Variants in PRICKLE2 observed in about 807,000 individuals in gnomAD.
The protein encoded by PRICKLE2 is prickle planar cell polarity protein 2.
PRICKLE2 carries 21 observed loss-of-function variants against 81.4 expected under a neutral mutation model. The observed-to-expected ratio is 0.26, with a 90% CI of 0.18 to 0.37. The LOEUF (loss-of-function observed/expected upper bound fraction) is 0.37. Among genes scored for constraint, PRICKLE2 ranks in the 10% least tolerant of loss-of-function variants. The pLI, the probability that PRICKLE2 is intolerant of heterozygous loss-of-function variation, is 1.00. For missense variants in PRICKLE2, 940 were observed against 1,109.0 expected (o/e 0.85, Z 2.16); for synonymous variants, 456 against 421.5 (o/e 1.08, Z -1.00).
At chr3:64,169,026 G>A (rs1047695892) in intron 2 of PRICKLE2, among the ~76,000 whole-genome samples, 3 of 151,832 alleles carry the variant, frequency 2.0e-5, no homozygotes, top group Admixed American at 6.6e-5. Flanking sequence ...ATTTGACTGA[G>A]AGCATCAATA....
chr3:64,132,676 T>G (rs565936635), intron 7 of PRICKLE2, among the ~76,000 whole-genome samples: 1 of 152,356 alleles, frequency 6.6e-6, no homozygotes, highest in South Asian at 2.1e-4. Context: ...CCATTCTTTT[T>G]GTTTCCACAA....
At chr3:64,158,359 A>C (rs184091028) in intron 4 of PRICKLE2, among the ~76,000 whole-genome samples, 1 of 152,238 alleles carries the variant, frequency 6.6e-6, no homozygotes, top group Admixed American at 6.5e-5. Context: ...TGACTGGACA[A>C]AAGAAAGGCA....
intron 2 of PRICKLE2, among the ~76,000 whole-genome samples, chr3:64,262,667 T>C (rs752958338): frequency 1.2e-4 from 18 of 149,520 alleles, no homozygotes; most frequent in African/African-American, 1.5e-4. Context: ...GCAAAGGAAA[T>C]TGGGAGGTAG....
intron 5 of PRICKLE2, chr3:64,154,863 A>C (rs1331090170): frequency 6.6e-6 from 1 of 152,128 alleles, no homozygotes; most frequent in Non-Finnish European, 1.5e-5. Context: ...TAATGAGAAA[A>C]ATAGGCCAAG....
At chr3:64,257,395 T>G (rs1381006636) in intron 2 of PRICKLE2, among the ~76,000 whole-genome samples, 1 of 152,132 alleles carries the variant, frequency 6.6e-6, no homozygotes, top group Non-Finnish European at 1.5e-5. Flanking sequence ...AAGGGGAGTG[T>G]AGGACCAGTT....
chr3:64,225,402 G>T lies in PRICKLE2; in HGVS notation c.-533C>A. On this transcript the variant is annotated 5_prime_UTR_variant, in exon 1 of 8. Transcript: ENST00000638394. Reference sequence around the variant, plus strand: ...CACTGAACCAGGAAATGTGCTGCTTGGTCAAAAAATAATAATAACTCTCGG... The same window carrying T: ...CACTGAACCAGGAAATGTGCTGCTTTGTCAAAAAATAATAATAACTCTCGG... 1 of 985,276 alleles carries T rather than the reference G, an allele frequency of 1.0e-6. No individual in the cohort carries two copies. The highest frequency in any genetic ancestry group is 1.2e-6 in the Non-Finnish European group (1 of 829,936). 61.0% of individuals were successfully genotyped at this position (985,276 alleles called of 1,614,324 possible). A position where few individuals can be genotyped will look rare whatever the true frequency, so the allele number is the denominator to read the frequency against.
Position 64,225,043 on chromosome 3 carries a change from A to C in PRICKLE2, c.-174T>G. The C allele has an allele frequency of 1.0e-6, 1 of 985,468 alleles. No homozygotes were observed. Among genetic ancestry groups the C allele is most frequent in the Non-Finnish European group, 1.2e-6 (1 of 830,078 alleles). The allele number at this position is 985,468 out of a possible 1,614,324, so 61.0% of individuals were successfully genotyped here. On this transcript the variant is annotated 5_prime_UTR_variant, in exon 1 of 8. It removes an upstream start codon present in the reference 5' UTR. Transcript: ENST00000638394. Reference sequence around the variant, plus strand: ...AAGCAGGACCTCAGGCAGCCAAAGCATCTTCTCCTCAAACCCCCTTTTCAG... The same window carrying C: ...AAGCAGGACCTCAGGCAGCCAAAGCCTCTTCTCCTCAAACCCCCTTTTCAG...
chr3:64,126,962 G>GCCCA (rs1439013021), intron 7 of PRICKLE2, among the ~76,000 whole-genome samples: 1 of 152,134 alleles, frequency 6.6e-6, no homozygotes, highest in East Asian at 1.9e-4. Context: ...GTTCGTGAAT[G>GCCCA]CCCACTCATT....
chr3:64,152,463 T>C (rs931442380), intron 6 of PRICKLE2, among the ~76,000 whole-genome samples: 2 of 152,218 alleles, frequency 1.3e-5, no homozygotes, highest in African/African-American at 4.8e-5. Flanking sequence ...ATTTTCACCA[T>C]CTCAGATCTG....
intron 2 of PRICKLE2, among the ~76,000 whole-genome samples, chr3:64,245,003 A>G (rs1416528850): frequency 6.6e-6 from 1 of 152,174 alleles, no homozygotes; most frequent in African/African-American, 2.4e-5. Flanking sequence ...CATCGCTACC[A>G]ATCTAAAGAA....
chr3:64,259,331 C>T (rs989588858), intron 2 of PRICKLE2, among the ~76,000 whole-genome samples: 11 of 152,086 alleles, frequency 7.2e-5, no homozygotes, highest in African/African-American at 1.4e-4. Context: ...TTTTATAATA[C>T]GCCTAGGAAG....
intron 2 of PRICKLE2, among the ~76,000 whole-genome samples, chr3:64,181,885 G>A (rs1466417494): frequency 6.6e-5 from 10 of 152,120 alleles, no homozygotes; most frequent in African/African-American, 1.2e-4. Flanking sequence ...TACTCAAGGC[G>A]GGAAGAAAAA....
At chr3:64,219,076 G>C (rs1216265165) in intron 1 of PRICKLE2, among the ~76,000 whole-genome samples, 1 of 152,058 alleles carries the variant, frequency 6.6e-6, no homozygotes, top group African/African-American at 2.4e-5. Context: ...CCATTCTCTG[G>C]GGGGCTACCA....
chr3:64,113,580 G>A (rs1247520139), intron 7 of PRICKLE2, among the ~76,000 whole-genome samples: 1 of 152,094 alleles, frequency 6.6e-6, no homozygotes, highest in Non-Finnish European at 1.5e-5. Flanking sequence ...ACATCACTTT[G>A]CTGGCACATG....
At chr3:64,242,470 T>A (rs918774885) in intron 2 of PRICKLE2, among the ~76,000 whole-genome samples, 4 of 152,250 alleles carry the variant, frequency 2.6e-5, no homozygotes, top group Non-Finnish European at 5.9e-5. Flanking sequence ...AATACATAAA[T>A]CTTCAGCTTA....
intron 3 of PRICKLE2, among the ~76,000 whole-genome samples, chr3:64,162,221 C>T (rs1471428797): frequency 6.6e-6 from 1 of 152,112 alleles, no homozygotes; most frequent in Non-Finnish European, 1.5e-5. Flanking sequence ...TTAAAAATTA[C>T]ATTTTTGTTT....
At chr3:64,100,137 A>G in intron 7 of PRICKLE2, 4 of 579,572 alleles carry the variant, frequency 6.9e-6, no homozygotes, top group Admixed American at 3.1e-5. Context: ...CTTACTTAAA[A>G]TGCTTCCAGA....
At chr3:64,212,865 C>T (rs1003254247) in intron 1 of PRICKLE2, among the ~76,000 whole-genome samples, 1 of 152,172 alleles carries the variant, frequency 6.6e-6, no homozygotes, top group Non-Finnish European at 1.5e-5. Flanking sequence ...CTAGACCCTA[C>T]TAATCTATTT....
chr3:64,228,827 T>C (rs532426303), upstream of PRICKLE2, among the ~76,000 whole-genome samples: 18 of 152,230 alleles, frequency 1.2e-4, no homozygotes, highest in East Asian at 3.5e-3. Flanking sequence ...TTAGGTAGAA[T>C]GATAGGATAT....
Sources: gnomAD v4.1 joint callset for allele counts (sites outside exome capture counted in the v4.1 genomes callset) on GRCh38, gnomAD v4.1.1 for gene constraint, MANE v1.5 for transcripts, NCBI Gene and HGNC (gene_info 2026-07-23, HGNC 2026-07-21) for gene names.